COPG2: variants seen among roughly 807,000 people sequenced by gnomAD.
COPG2 encodes the protein coat protein complex I subunit gamma 2.
Under a neutral mutation model 46.3 loss-of-function variants are expected in COPG2, and 37 were observed. That is an observed-to-expected ratio of 0.80 (90% CI 0.61 to 1.05). The LOEUF is 1.05. COPG2 is among the 50% of genes least tolerant of loss of function. The pLI is 0.00. For missense variants in COPG2, 427 were observed against 387.8 expected, an observed-to-expected ratio of 1.10 and a Z score of -0.85; for synonymous variants, 159 against 129.7, an observed-to-expected ratio of 1.23 and a Z score of -1.53.
At chr7:130,531,811 G>A (rs1428662840) in intron 20 of COPG2, among the ~76,000 whole-genome samples, 4 of 135,776 alleles carry the variant, frequency 2.9e-5, no homozygotes, top group African/African-American at 5.5e-5. Flanking sequence ...CAAGGTGGCC[G>A]TCCACAGCAG....
At position 130,589,238 on chromosome 7, in the gene COPG2, T is replaced by C. The variant is rs1007575882; in HGVS notation, c.737+21715A>G. 3.0e-4 allele frequency among the ~76,000 whole-genome samples: 46 copies of C among 152,310 alleles called. 1 individual carries two copies. The highest frequency in any genetic ancestry group is 2.9e-3 in the Admixed American group (45 of 15,296). The stretch of plus-strand genomic sequence containing the variant: ...TACAAGTGTTTCTCTGCAGCAGATA[T>C]GCAAGGGAGAAACTGCTGGATTCCA... On this transcript the variant is annotated intron_variant, in intron 9 of 23. Coordinates refer to ENST00000425248, the MANE Select transcript of COPG2 (RefSeq NM_012133.6).
intron 23 of COPG2, 94 bp downstream of exon 23, chr7:130,507,180 T>G (rs1268689264): frequency 8.1e-6 from 6 of 739,874 alleles, no homozygotes; most frequent in Non-Finnish European, 1.5e-5. Context: ...TATAATGGGA[T>G]GATGGGACAA....
intron 9 of COPG2, among the ~76,000 whole-genome samples, chr7:130,601,118 T>C (rs1341585734): frequency 6.6e-6 from 1 of 152,226 alleles, no homozygotes; most frequent in Non-Finnish European, 1.5e-5. Context: ...CACAATGAGA[T>C]ACCATCTCAC....
chr7:130,523,818 G>T (rs898510940), intron 20 of COPG2, among the ~76,000 whole-genome samples: 5 of 152,140 alleles, frequency 3.3e-5, no homozygotes, highest in Admixed American at 1.3e-4. Flanking sequence ...CGTGGAAGGA[G>T]AGCGTCTTGA....
intron 3 of COPG2, among the ~76,000 whole-genome samples, chr7:130,665,571 C>T (rs782819849): frequency 6.6e-6 from 1 of 152,196 alleles, no homozygotes; most frequent in East Asian, 1.9e-4. Context: ...TTACACAGCA[C>T]TAACATTGCA....
At chr7:130,640,107 C>G (rs1179894925) in intron 5 of COPG2, among the ~76,000 whole-genome samples, 1 of 147,632 alleles carries the variant, frequency 6.8e-6, no homozygotes, top group African/African-American at 2.5e-5. Flanking sequence ...CACAAACAAA[C>G]AAACAAACAA....
intron 5 of COPG2, among the ~76,000 whole-genome samples, chr7:130,648,376 A>G (rs1184643450): frequency 6.6e-6 from 1 of 152,052 alleles, no homozygotes; most frequent in Non-Finnish European, 1.5e-5. Context: ...ACATTCATTC[A>G]CCCCCTTCCA....
chr7:130,668,363 G>A (rs1440666334), intron 1 of COPG2, among the ~76,000 whole-genome samples: 2 of 150,436 alleles, frequency 1.3e-5, no homozygotes, highest in Non-Finnish European at 3.0e-5. Flanking sequence ...GCGGCTCGGA[G>A]GGGCTGCGCC....
intron 5 of COPG2, among the ~76,000 whole-genome samples, chr7:130,623,522 T>C (rs1274756515): frequency 1.3e-5 from 2 of 152,194 alleles, no homozygotes; most frequent in African/African-American, 2.4e-5. Flanking sequence ...CAATCCCTCA[T>C]GGTTTTCCTT....
At chr7:130,645,332 A>G (rs1554457989) in intron 5 of COPG2, 2 of 575,694 alleles carry the variant, frequency 3.5e-6, no homozygotes, top group East Asian at 4.5e-5. Flanking sequence ...TCTTCAGCAC[A>G]GTTGCCTTCT....
At chr7:130,527,460 G>C (rs1314119125) in intron 20 of COPG2, among the ~76,000 whole-genome samples, 1 of 121,938 alleles carries the variant, frequency 8.2e-6, no homozygotes, top group African/African-American at 3.1e-5. Flanking sequence ...TATCTGGGGT[G>C]GGGGGTGGGT....
intron 5 of COPG2, among the ~76,000 whole-genome samples, chr7:130,624,113 G>A (rs1554453980): frequency 6.6e-6 from 1 of 152,058 alleles, no homozygotes; most frequent in African/African-American, 2.4e-5. Context: ...AGACTAGCTA[G>A]CTCTCTGCAG....
At chr7:130,596,857 G>A (rs1224843028) in intron 9 of COPG2, among the ~76,000 whole-genome samples, 2 of 152,214 alleles carry the variant, frequency 1.3e-5, no homozygotes, top group African/African-American at 2.4e-5. Context: ...CTTTCAGGTC[G>A]TGCCGAGGAC....
chr7:130,665,939 C>A (rs1163727629), intron 3 of COPG2, among the ~76,000 whole-genome samples: 1 of 151,952 alleles, frequency 6.6e-6, no homozygotes, highest in Admixed American at 6.6e-5. Flanking sequence ...TCTGCTATAT[C>A]CCCAACACCT....
At chr7:130,608,884 T>C (rs1794786366) in intron 9 of COPG2, among the ~76,000 whole-genome samples, 1 of 152,108 alleles carries the variant, frequency 6.6e-6, no homozygotes, top group African/African-American at 2.4e-5. Context: ...TTGTTATTTT[T>C]TGAGATGGGG....
At chr7:130,575,468 A>T (rs996264275) in intron 9 of COPG2, among the ~76,000 whole-genome samples, 5 of 152,196 alleles carry the variant, frequency 3.3e-5, no homozygotes, top group Non-Finnish European at 7.3e-5. Flanking sequence ...TCATATATAA[A>T]GGAAAGATAC....
chr7:130,532,331 T>A (rs948986556), intron 20 of COPG2, among the ~76,000 whole-genome samples: 21 of 152,004 alleles, frequency 1.4e-4, no homozygotes, highest in African/African-American at 4.3e-4. Flanking sequence ...ACACAGAGGA[T>A]GTGGGCTGTG....
intron 20 of COPG2, among the ~76,000 whole-genome samples, chr7:130,546,146 G>A (rs908359291): frequency 2.6e-5 from 4 of 152,244 alleles, no homozygotes; most frequent in African/African-American, 9.6e-5. Context: ...ATTGGTGAGA[G>A]GTAGAATAGC....
rs997762768 is a variant in COPG2, at chr7:130,550,090, T to C, written c.1774+434A>G. ...AGTTTTTTTTAAACTCTAATAAAAA[T>C]ATGTCTTAAATCTAAAAGATTTAGA... On this transcript the variant is annotated intron_variant, in intron 17 of 23. Transcript: ENST00000425248. Among the ~76,000 whole-genome samples the C allele has an allele frequency of 1.3e-5, 2 of 152,026 alleles. 1 individual carries two copies. Among genetic ancestry groups the C allele is most frequent in the Non-Finnish European group, 2.9e-5 (2 of 68,008 alleles).
Sources: allele counts gnomAD v4.1 joint callset (sites outside exome capture counted in the v4.1 genomes callset), GRCh38; gene constraint gnomAD v4.1.1; transcripts MANE v1.5; gene names NCBI Gene and HGNC (gene_info 2026-07-23, HGNC 2026-07-21).